The following DNAJB6 variants were observed in gnomAD, a reference collection of about 807,000 sequenced individuals.
DNAJB6 encodes the protein dnaJ homolog subfamily B member 6.
In DNAJB6, 16 loss-of-function variants were observed where a neutral mutation model predicts 42.7. The observed-to-expected ratio is 0.37, with a 90% CI of 0.25 to 0.57. The LOEUF (loss-of-function observed/expected upper bound fraction) is 0.57, where lower values mean the gene tolerates loss of function less well. Ranked by LOEUF, DNAJB6 falls within the 20% of genes least tolerant of loss-of-function variation. DNAJB6 has a pLI of 0.74. For synonymous variants in DNAJB6, 170 were observed against 163.5 expected, an observed-to-expected ratio of 1.04 and a Z score of -0.30; for missense variants, 347 against 416.8, an observed-to-expected ratio of 0.83 and a Z score of 1.46.
At position 157,357,325 on chromosome 7, in the gene DNAJB6, C is replaced by CCTTCCTT. The variant is rs1554455121; in HGVS notation, c.-26-1222_-26-1221insCTTCCTT. On this transcript the variant is annotated intron_variant, in intron 1 of 9. Coordinates refer to ENST00000262177, the MANE Select transcript of DNAJB6 (RefSeq NM_058246.4). ...TTCCTTCCTTCCTTCCTTCCTTCCT[C>CCTTCCTT]GTTCCGTCGCCCGGGCTGGAGTCCG... Among the ~76,000 whole-genome samples the CCTTCCTT allele has an allele frequency of 1.7e-5, 2 of 120,182 alleles. 1 individual carries two copies. The highest frequency in any genetic ancestry group is 3.5e-5 in the Non-Finnish European group (2 of 56,474). The allele number at this position is 120,182 out of a possible 152,430, so 78.8% of individuals were successfully genotyped here. A position where few individuals can be genotyped will look rare whatever the true frequency, so the allele number is the denominator to read the frequency against.
chr7:157,355,787 G>A (rs1286936269), intron 1 of DNAJB6, among the ~76,000 whole-genome samples: 1 of 152,188 alleles, frequency 6.6e-6, no homozygotes, highest in African/African-American at 2.4e-5. Context: ...AAGGAAACTA[G>A]CCATTTGATG....
Position 157,351,772 on chromosome 7 carries a change from T to A in DNAJB6, c.-26-6775T>A, listed in dbSNP as rs193182360. 3.2e-3 allele frequency among the ~76,000 whole-genome samples: 489 copies of A among 152,120 alleles called. 3 individuals are homozygous for A. Among genetic ancestry groups the A allele is most frequent in the South Asian group, 0.028 (135 of 4,812 alleles). On this transcript the variant is annotated intron_variant, in intron 1 of 9. Coordinates refer to ENST00000262177, the MANE Select transcript of DNAJB6 (RefSeq NM_058246.4). ...TGAGGTCAGGAGTTTGAAACCAGCCTGGCCAACATGGTGAAACCCTGTGTC... is the reference window on the plus strand; with the variant it reads ...TGAGGTCAGGAGTTTGAAACCAGCCAGGCCAACATGGTGAAACCCTGTGTC...
chr7:157,364,914 T>C (rs1799771489), intron 3 of DNAJB6, among the ~76,000 whole-genome samples: 1 of 152,240 alleles, frequency 6.6e-6, no homozygotes, highest in Non-Finnish European at 1.5e-5. Context: ...GGTTTGTTTC[T>C]AAGCTCGTTT....
Position 157,416,069 on chromosome 7 carries a change from A to G in DNAJB6, c.952A>G (p.Lys318Glu). The G allele has an allele frequency of 6.2e-7, 1 of 1,614,178 alleles. No individual in the cohort carries two copies. The highest frequency in any genetic ancestry group is 8.5e-7 in the Non-Finnish European group (1 of 1,180,018). ...GCAGAAGCAGAGAGAGGAGTCGAAGAAGAAGAAGTCGACCAAAGGCAATCA... is the reference window on the plus strand; with the variant it reads ...GCAGAAGCAGAGAGAGGAGTCGAAGGAGAAGAAGTCGACCAAAGGCAATCA... Reference protein sequence around the residue: ...KKQKQREESKKKKSTKGNH With the variant: ...KKQKQREESKEKKSTKGNH The change falls in exon 10 of 10, where the codon AAG becomes GAG. Residue 318 changes from lysine to glutamate, a missense_variant. Physicochemically the swap from Lys to Glu is moderately conservative, Grantham distance 56. Coordinates refer to ENST00000262177, the MANE Select transcript of DNAJB6 (RefSeq NM_058246.4).
Position 157,416,189 on chromosome 7 carries a change from G to A in DNAJB6, c.*91G>A, listed in dbSNP as rs1796104219. The A allele has an allele frequency of 1.9e-6, 3 of 1,543,010 alleles. No individual in the cohort carries two copies. The highest frequency in any genetic ancestry group is 2.0e-5 in the Admixed American group (1 of 51,048). ...TGCACACGCGCTAGGTAGCAGCGTCGGTCAGGACTGTCTCGAGGCCACACT... is the reference window on the plus strand; with the variant it reads ...TGCACACGCGCTAGGTAGCAGCGTCAGTCAGGACTGTCTCGAGGCCACACT... On this transcript the variant is annotated 3_prime_UTR_variant, in exon 10 of 10. Transcript: ENST00000262177.
At chr7:157,344,223 C>T (rs1444201706) in intron 1 of DNAJB6, among the ~76,000 whole-genome samples, 1 of 152,148 alleles carries the variant, frequency 6.6e-6, no homozygotes, top group Non-Finnish European at 1.5e-5. Flanking sequence ...TGCCTGTAGT[C>T]TCAGCTACTT....
intron 8 of DNAJB6, among the ~76,000 whole-genome samples, chr7:157,390,232 T>G (rs77470539): frequency 0.011 from 1,684 of 152,312 alleles, 30 homozygotes; most frequent in East Asian, 0.06. Context: ...CTGTGCGACC[T>G]GCGGCCCAGC....
At chr7:157,368,047 T>G (rs1345768463) in intron 5 of DNAJB6, among the ~76,000 whole-genome samples, 1 of 152,108 alleles carries the variant, frequency 6.6e-6, no homozygotes, top group Non-Finnish European at 1.5e-5. Context: ...GAGGATTTCC[T>G]TGAGCCTGGG....
At chr7:157,408,477 C>T (rs536308887) in intron 8 of DNAJB6, among the ~76,000 whole-genome samples, 1 of 152,268 alleles carries the variant, frequency 6.6e-6, no homozygotes, top group East Asian at 1.9e-4. Context: ...CTCCAGGCTG[C>T]GAGTTGCCCA....
chr7:157,416,308 G>A lies in DNAJB6; in HGVS notation c.*210G>A. ...TGGCGGGGACAGACGTTTGGGACTT[G>A]GCCGCGACTCTCTGCTTCTCTCCAG... On this transcript the variant is annotated 3_prime_UTR_variant, in exon 10 of 10. Transcript: ENST00000262177. 1 of 636,356 alleles carries A rather than the reference G, an allele frequency of 1.6e-6. No homozygotes were observed. Among genetic ancestry groups the A allele is most frequent in the Non-Finnish European group, 2.6e-6 (1 of 380,970 alleles). 39.4% of individuals were successfully genotyped at this position (636,356 alleles called of 1,614,324 possible). A position where few individuals can be genotyped will look rare whatever the true frequency, so the allele number is the denominator to read the frequency against.
At position 157,417,214 on chromosome 7, in the gene DNAJB6, A is replaced by G. The variant is rs902369964; in HGVS notation, c.*1116A>G. The G allele has an allele frequency of 3.3e-5, 5 of 152,212 alleles. No homozygotes were observed. Among genetic ancestry groups the G allele is most frequent in the African/African-American group, 7.2e-5 (3 of 41,440 alleles). 9.4% of individuals were successfully genotyped at this position (152,212 alleles called of 1,614,324 possible). The stretch of plus-strand genomic sequence containing the variant: ...TAATCTAGCAGTGTTGAAGCTGGGA[A>G]TTTTTTGGCGCAATCCATGTAGCAG... On this transcript the variant is annotated 3_prime_UTR_variant, in exon 10 of 10. Coordinates refer to ENST00000262177, the MANE Select transcript of DNAJB6 (RefSeq NM_058246.4).
At chr7:157,337,530 C>A in intron 1 of DNAJB6, 2 of 152,354 alleles carry the variant, frequency 1.3e-5, no homozygotes, top group South Asian at 4.0e-4. Flanking sequence ...CCTTCTTTTT[C>A]TAAGGCTCCC....
At chr7:157,374,376 T>C (rs12154512) in intron 5 of DNAJB6, among the ~76,000 whole-genome samples, 84,838 of 151,860 alleles carry the variant, frequency 0.56, 23,979 homozygotes, top group East Asian at 0.76. Flanking sequence ...TCTCCTGCCT[T>C]AGCCTCCCAA....
intron 2 of DNAJB6, among the ~76,000 whole-genome samples, chr7:157,362,404 C>T (rs1050969521): frequency 2.6e-5 from 4 of 152,074 alleles, no homozygotes; most frequent in African/African-American, 7.2e-5. Context: ...GACGGAGTTT[C>T]GCTCTTGTTG....
At chr7:157,349,043 A>T (rs1022576235) in intron 1 of DNAJB6, among the ~76,000 whole-genome samples, 14 of 151,394 alleles carry the variant, frequency 9.2e-5, no homozygotes, top group Non-Finnish European at 1.9e-4. Flanking sequence ...GTCTTTTTAA[A>T]TTTTTTTTTA....
At chr7:157,369,410 T>C (rs1342722043) in intron 5 of DNAJB6, 2 of 456,646 alleles carry the variant, frequency 4.4e-6, no homozygotes, top group South Asian at 1.5e-5. Context: ...GTGATTCTCA[T>C]GGTGACCAAG....
chr7:157,371,029 G>T (rs548918115), intron 5 of DNAJB6, among the ~76,000 whole-genome samples: 1 of 152,300 alleles, frequency 6.6e-6, no homozygotes, highest in East Asian at 1.9e-4. Flanking sequence ...TACTGCCTGA[G>T]CCCCACCTCC....
intron 1 of DNAJB6, among the ~76,000 whole-genome samples, chr7:157,354,603 T>G (rs1480311026): frequency 1.3e-5 from 2 of 152,082 alleles, no homozygotes; most frequent in Non-Finnish European, 2.9e-5. Context: ...TCTCACAAAG[T>G]GCCAGGATTA....
intron 8 of DNAJB6, among the ~76,000 whole-genome samples, chr7:157,403,121 C>T (rs759801873): frequency 1.3e-4 from 20 of 152,130 alleles, no homozygotes; most frequent in South Asian, 2.1e-4. Flanking sequence ...GACGTGGGGT[C>T]GGGGGCTTCC....
Sources: gnomAD v4.1 joint callset for allele counts (sites outside exome capture counted in the v4.1 genomes callset) on GRCh38, gnomAD v4.1.1 for gene constraint, MANE v1.5 for transcripts, NCBI Gene and HGNC (gene_info 2026-07-23, HGNC 2026-07-21) for gene names.